PHIP: variants seen among roughly 807,000 people sequenced by gnomAD.
The protein encoded by PHIP is PH-interacting protein.
In PHIP, 54 loss-of-function variants were observed where a neutral mutation model predicts 236.8. That is an observed-to-expected ratio of 0.23 (90% confidence interval 0.18 to 0.29). The LOEUF (loss-of-function observed/expected upper bound fraction) is 0.29. Ranked by LOEUF, PHIP falls within the 10% of genes least tolerant of loss-of-function variation. The pLI is 1.00. For synonymous variants in PHIP, 756 were observed against 718.9 expected (o/e 1.05, Z -0.83); for missense variants, 1,370 against 2,190.8 (o/e 0.63, Z 7.48).
chr6:78,991,903 T>C (rs1769272568), intron 19 of PHIP, among the ~76,000 whole-genome samples: 1 of 151,890 alleles, frequency 6.6e-6, no homozygotes, highest in African/African-American at 2.4e-5. Flanking sequence ...TAGATTAACA[T>C]ACAGTTGTAA....
At chr6:78,974,602 A>AG (rs1204574394) in intron 24 of PHIP, among the ~76,000 whole-genome samples, 2 of 152,204 alleles carry the variant, frequency 1.3e-5, no homozygotes, top group African/African-American at 4.8e-5. Flanking sequence ...GTTTTTTGAA[A>AG]GATCAACAAA....
At chr6:79,044,744 A>C (rs1223817962) in intron 6 of PHIP, among the ~76,000 whole-genome samples, 2 of 152,324 alleles carry the variant, frequency 1.3e-5, no homozygotes, top group East Asian at 3.9e-4. Flanking sequence ...TAATATATCA[A>C]GACCCATTTC....
At chr6:79,014,006 C>T (rs979447601) in intron 15 of PHIP, among the ~76,000 whole-genome samples, 5 of 151,250 alleles carry the variant, frequency 3.3e-5, no homozygotes, top group Non-Finnish European at 7.4e-5. Flanking sequence ...CAAAGGAAAT[C>T]CATCCATCAC....
intron 2 of PHIP, 41 bp from the exon 3 acceptor site, chr6:79,077,770 GGCCGCGGCCCC>G (rs1774257088): frequency 1.0e-6 from 1 of 979,266 alleles, no homozygotes; most frequent in Non-Finnish European, 1.2e-6. Flanking sequence ...CCGCGCCCCG[GGCCGCGGCCCC>G]GCCGCCGCCG....
chr6:79,064,030 T>C (rs951795734), intron 4 of PHIP, among the ~76,000 whole-genome samples: 16 of 151,978 alleles, frequency 1.1e-4, no homozygotes, highest in African/African-American at 3.9e-4. Context: ...CAGGAGAACC[T>C]TTTTTAAAGC....
At position 78,988,448 on chromosome 6, in the gene PHIP, C is replaced by A. The variant is rs370619044; in HGVS notation, c.2320-99G>T. 6.8e-5 allele frequency: 53 copies of A among 782,374 alleles called. 1 individual carries two copies. Among genetic ancestry groups the A allele is most frequent in the East Asian group, 6.0e-4 (21 of 35,114 alleles). The allele number at this position is 782,374 out of a possible 1,614,324, so 48.5% of individuals were successfully genotyped here. On this transcript the variant is annotated intron_variant, in intron 20 of 39. Coordinates refer to ENST00000275034, the MANE Select transcript of PHIP (RefSeq NM_017934.7). ...TTTAATTAAAAAAATTCAAGCTGGG[C>A]ATGGTGGCGCATGCCTATAGTCCCA...
chr6:78,940,914 G>GATC lies in PHIP; in HGVS notation c.5242_5244dup (p.Asp1748dup). 1 of 1,613,542 alleles carries GATC rather than the reference G, an allele frequency of 6.2e-7. No homozygotes were observed. The highest frequency in any genetic ancestry group is 8.5e-7 in the Non-Finnish European group (1 of 1,179,598). On this transcript the variant is annotated inframe_insertion, in exon 40 of 40. Coordinates refer to ENST00000275034, the MANE Select transcript of PHIP (RefSeq NM_017934.7). ...TCAAACTCTTCTTCCTCATCTATAG[G>GATC]ATCATCTATCTTTTTTCGGTTACTT...
chr6:78,945,574 T>C (rs1378147842), intron 38 of PHIP, 77 bp from the exon 39 acceptor site: 9 of 899,220 alleles, frequency 1.0e-5, no homozygotes, highest in Non-Finnish European at 1.2e-5. Context: ...CCTGAATTAT[T>C]TGAATTAGCC....
chr6:79,049,983 A>G (rs1772705555), intron 6 of PHIP, among the ~76,000 whole-genome samples: 1 of 152,162 alleles, frequency 6.6e-6, no homozygotes, highest in Non-Finnish European at 1.5e-5. Context: ...GGTAAAAAAA[A>G]ATTGCTAATC....
chr6:78,962,260 A>T (rs1031614094), intron 30 of PHIP, among the ~76,000 whole-genome samples: 11 of 152,164 alleles, frequency 7.2e-5, no homozygotes, highest in African/African-American at 2.7e-4. Context: ...AGAGAAAAGG[A>T]AACAGACCCA....
chr6:79,041,869 A>C (rs2127759711), intron 7 of PHIP, among the ~76,000 whole-genome samples: 1 of 152,244 alleles, frequency 6.6e-6, no homozygotes, highest in African/African-American at 2.4e-5. Context: ...CCTGCTATTT[A>C]GCTGTTTTAC....
At chr6:78,968,527 C>A (rs1031748878) in intron 27 of PHIP, among the ~76,000 whole-genome samples, 4 of 152,114 alleles carry the variant, frequency 2.6e-5, no homozygotes, top group Admixed American at 6.5e-5. Context: ...CCTATGTATG[C>A]AAAGATTTTG....
At chr6:78,978,300 T>C (rs1456858248) in intron 24 of PHIP, among the ~76,000 whole-genome samples, 2 of 152,084 alleles carry the variant, frequency 1.3e-5, no homozygotes, top group East Asian at 3.8e-4. Flanking sequence ...GAATATATTT[T>C]AATTTAAAAA....
chr6:78,958,334 G>C, intron 32 of PHIP, 141 bp downstream of exon 32: 1 of 573,188 alleles, frequency 1.7e-6, no homozygotes, highest in Non-Finnish European at 3.1e-6. Context: ...TAGATCTTCA[G>C]TCTAATGCTC....
intron 27 of PHIP, among the ~76,000 whole-genome samples, chr6:78,967,842 T>C (rs1767241485): frequency 6.6e-6 from 1 of 152,038 alleles, no homozygotes; most frequent in African/African-American, 2.4e-5. Flanking sequence ...CCTTAAAAAA[T>C]AAAATTTATC....
chr6:79,017,878 A>G (rs1243850909), intron 10 of PHIP, among the ~76,000 whole-genome samples: 1 of 151,954 alleles, frequency 6.6e-6, no homozygotes, highest in Admixed American at 6.6e-5. Context: ...AGTCACCTTC[A>G]CTAGAAAATA....
intron 15 of PHIP, chr6:79,004,324 C>T (rs750421941): frequency 8.1e-6 from 6 of 740,574 alleles, no homozygotes; most frequent in Non-Finnish European, 9.9e-6. Flanking sequence ...TAGTCTGACT[C>T]GTCTTTTAAA....
At position 78,988,249 on chromosome 6, in the gene PHIP, C is replaced by A; in HGVS notation, c.2420G>T (p.Arg807Ile). 1 of 1,608,348 alleles carries A rather than the reference C, an allele frequency of 6.2e-7. No homozygotes were observed. The highest frequency in any genetic ancestry group is 8.5e-7 in the Non-Finnish European group (1 of 1,176,168). The stretch of plus-strand genomic sequence containing the variant: ...GCCATTTTCTATCTCTTCTGAGGGT[C>A]TAGGAGTCTCTTCCAATGCAGATCT... ...RTRSALEETPRPSEEIENGSS... is the reference protein window; with the variant it reads ...RTRSALEETPIPSEEIENGSS... Residue 807 changes from arginine to isoleucine, a missense_variant, in exon 21 of 40, where the codon AGA becomes ATA. By Grantham distance (97) the Arg-to-Ile change is moderately conservative. This residue lies in a region of PHIP where 99 missense variants were observed against 110.0 expected (regional missense o/e 0.90). Coordinates refer to ENST00000275034, the MANE Select transcript of PHIP (RefSeq NM_017934.7).
intron 7 of PHIP, among the ~76,000 whole-genome samples, chr6:79,027,904 C>T (rs1295610411): frequency 6.6e-6 from 1 of 152,084 alleles, no homozygotes; most frequent in Non-Finnish European, 1.5e-5. Flanking sequence ...CTCACCTATG[C>T]GTACCTCATA....
Sources: gnomAD v4.1 joint callset for allele counts (sites outside exome capture counted in the v4.1 genomes callset) on GRCh38, gnomAD v4.1.1 for gene constraint, gnomAD v4.1.1 regional missense constraint, MANE v1.5 for transcripts, NCBI Gene and HGNC (gene_info 2026-07-23, HGNC 2026-07-21) for gene names.